Variants in AHR observed in about 807,000 individuals in gnomAD.
AHR encodes the protein aryl hydrocarbon receptor.
In AHR, 40 loss-of-function variants were observed where a neutral mutation model predicts 86.8. The observed-to-expected ratio is 0.46, with a 90% confidence interval of 0.36 to 0.60. AHR has a LOEUF of 0.60. Ranked by LOEUF, AHR falls within the 20% of genes least tolerant of loss-of-function variation. AHR has a pLI of 0.00. For missense variants in AHR, 1,001 were observed against 1,011.6 expected, an observed-to-expected ratio of 0.99 and a Z score of 0.14; for synonymous variants, 398 against 354.9, an observed-to-expected ratio of 1.12 and a Z score of -1.37.
At chr7:17,337,442 A>C (rs375048727) in intron 9 of AHR, among the ~76,000 whole-genome samples, 1 of 144,110 alleles carries the variant, frequency 6.9e-6, no homozygotes, top group East Asian at 2.0e-4. Flanking sequence ...GTTTTCATTT[A>C]TTACTGAAGG....
rs377432596 is a variant in AHR at position 17,340,144 on chromosome 7, G to A, written c.2319G>A (p.Gln773=). The A allele has an allele frequency of 1.4e-4, 228 of 1,614,084 alleles. 1 individual carries two copies. Among genetic ancestry groups the A allele is most frequent in the Admixed American group, 3.8e-4 (23 of 60,012 alleles). Residue 773 remains glutamine (Q), a synonymous_variant, in exon 10 of 11, where the codon CAG becomes CAA. Coordinates refer to ENST00000242057, the MANE Select transcript of AHR (RefSeq NM_001621.5). The part of the protein sequence containing the change: ...TCYAGAVSMY[Q]CQPEPQHTHV... ...ATGCTGGGGCCGTGTCGATGTATCA[G>A]TGCCAGCCAGAACCTCAGCACACCC...
intron 1 of AHR, among the ~76,000 whole-genome samples, chr7:17,301,980 GTTTAT>G (rs1335250696): frequency 3.3e-5 from 5 of 151,608 alleles, no homozygotes; most frequent in Admixed American, 1.3e-4. Flanking sequence ...CAAATCCTGT[GTTTAT>G]TTTATTCTCT....
At chr7:17,321,379 CA>C (rs766571798) in intron 2 of AHR, among the ~76,000 whole-genome samples, 5 of 151,650 alleles carry the variant, frequency 3.3e-5, no homozygotes, top group Non-Finnish European at 7.4e-5. Flanking sequence ...TTTTAATTAC[CA>C]CCTCACATAT....
chr7:17,306,538 C>T (rs1489821019), intron 1 of AHR, among the ~76,000 whole-genome samples: 2 of 152,072 alleles, frequency 1.3e-5, no homozygotes, highest in African/African-American at 4.8e-5. Context: ...AAATATTCTA[C>T]CCTGGTTTTT....
intron 1 of AHR, among the ~76,000 whole-genome samples, chr7:17,303,527 C>G (rs910426259): frequency 6.6e-5 from 10 of 151,934 alleles, no homozygotes; most frequent in African/African-American, 2.4e-4. Context: ...GTCCTTTCCT[C>G]TTAGAGTCTT....
chr7:17,310,271 T>A (rs1319903277), intron 2 of AHR, 148 bp downstream of exon 2: 4 of 707,416 alleles, frequency 5.7e-6, no homozygotes, highest in Non-Finnish European at 8.7e-6. Context: ...AAAGCCAGAT[T>A]TATAAGTCTT....
chr7:17,307,879 C>G (rs1485144134), intron 1 of AHR, among the ~76,000 whole-genome samples: 3 of 152,106 alleles, frequency 2.0e-5, no homozygotes, highest in Non-Finnish European at 4.4e-5. Flanking sequence ...GCTGTCTCCT[C>G]TATCTTGAAC....
chr7:17,303,758 C>T (rs910402785), intron 1 of AHR, among the ~76,000 whole-genome samples: 1 of 151,828 alleles, frequency 6.6e-6, no homozygotes, highest in Non-Finnish European at 1.5e-5. Flanking sequence ...GGAAAAAATT[C>T]CTGTAAGGGA....
chr7:17,319,674 CTCAT>C (rs1782149801), intron 2 of AHR, among the ~76,000 whole-genome samples: 1 of 152,032 alleles, frequency 6.6e-6, no homozygotes, highest in Admixed American at 6.6e-5. Context: ...CACTTTCTTA[CTCAT>C]TGTTTTCTTT....
chr7:17,320,719 A>G (rs1053166594), intron 2 of AHR, among the ~76,000 whole-genome samples: 1 of 152,132 alleles, frequency 6.6e-6, no homozygotes, highest in African/African-American at 2.4e-5. Flanking sequence ...GAAAGGGAGA[A>G]AAGGCCATTC....
rs1007272654 is a variant in AHR at position 17,339,790 on chromosome 7, C to T, written c.1965C>T (p.Asn655=). The change falls in exon 10 of 11, where the codon AAC becomes AAT. Residue 655 remains asparagine, a synonymous_variant. Coordinates refer to ENST00000242057, the MANE Select transcript of AHR (RefSeq NM_001621.5). Reference sequence around the variant, plus strand: ...TTAATGGCATGTTTGAAAATTGGAACTCTAACCAATTCGTGCCTTTCAATT... The same window carrying T: ...TTAATGGCATGTTTGAAAATTGGAATTCTAACCAATTCGTGCCTTTCAATT... ...MQVNGMFENW[N]SNQFVPFNCP... 1 of 1,614,074 alleles carries T rather than the reference C, an allele frequency of 6.2e-7. No individual in the cohort carries two copies. The highest frequency in any genetic ancestry group is 1.3e-5 in the African/African-American group (1 of 74,916).
At chr7:17,319,648 T>A (rs1328453641) in intron 2 of AHR, among the ~76,000 whole-genome samples, 1 of 152,146 alleles carries the variant, frequency 6.6e-6, no homozygotes, top group Admixed American at 6.6e-5. Flanking sequence ...GCAGCTCTTG[T>A]GACAGTGTCT....
At chr7:17,302,633 A>G (rs2115349312) in intron 1 of AHR, among the ~76,000 whole-genome samples, 1 of 151,992 alleles carries the variant, frequency 6.6e-6, no homozygotes, top group African/African-American at 2.4e-5. Flanking sequence ...GTTTAGTTAT[A>G]GGTAACATTA....
chr7:17,341,266 A>G (rs1239813726), intron 10 of AHR, among the ~76,000 whole-genome samples: 1 of 152,142 alleles, frequency 6.6e-6, no homozygotes, highest in East Asian at 1.9e-4. Flanking sequence ...TTTAATAGAA[A>G]AGGACAGTGA....
At position 17,327,853 on chromosome 7, in the gene AHR, G is replaced by T; in HGVS notation, c.450+5G>T. 1 of 1,331,316 alleles carries T rather than the reference G, an allele frequency of 7.5e-7. No homozygotes were observed. Among genetic ancestry groups the T allele is most frequent in the Middle Eastern group, 2.2e-4 (1 of 4,488 alleles). The allele number at this position is 1,331,316 out of a possible 1,614,324, so 82.5% of individuals were successfully genotyped here. On this transcript the variant is annotated splice_donor_5th_base_variant and intron_variant, in intron 4 of 10. Transcript: ENST00000242057. The stretch of plus-strand genomic sequence containing the variant: ...GATTATCTAGGGTTTCAGCAGGTAA[G>T]TATATATTATTTATATCATTTATAT...
chr7:17,303,030 T>G lies in AHR; in HGVS notation c.65+3701T>G, dbSNP rs1050763957. On this transcript the variant is annotated intron_variant, in intron 1 of 10. Transcript: ENST00000242057. ...GTACGTGCTTACTCATGTATTTAAT[T>G]AAGACAGTTACTTAGAAATAAATAC... Among the ~76,000 whole-genome samples, 10 of 152,150 alleles carry G rather than the reference T, an allele frequency of 6.6e-5. No homozygotes were observed. In the East Asian group the frequency reaches 1.9e-3, roughly 29 times the overall value.
intron 2 of AHR, 51 bp downstream of exon 2, chr7:17,310,174 T>C: frequency 6.7e-7 from 1 of 1,503,528 alleles, no homozygotes; most frequent in Non-Finnish European, 9.1e-7. Context: ...AAAATACTTG[T>C]ACTAGATATA....
At chr7:17,306,664 A>G (rs1404783801) in intron 1 of AHR, among the ~76,000 whole-genome samples, 1 of 151,990 alleles carries the variant, frequency 6.6e-6, no homozygotes. Context: ...TACAGCTCTC[A>G]TTAGGAAATG....
At chr7:17,328,584 C>T (rs1056498074) in intron 4 of AHR, among the ~76,000 whole-genome samples, 1 of 151,938 alleles carries the variant, frequency 6.6e-6, no homozygotes, top group Non-Finnish European at 1.5e-5. Context: ...AAAACTTGGT[C>T]ATCCCTGTGA....
Sources: allele counts gnomAD v4.1 joint callset (sites outside exome capture counted in the v4.1 genomes callset), GRCh38; gene constraint gnomAD v4.1.1; transcripts MANE v1.5; gene names NCBI Gene and HGNC (gene_info 2026-07-23, HGNC 2026-07-21).